The following ZMAT4 variants were observed in gnomAD, a reference collection of about 807,000 sequenced individuals.
ZMAT4 encodes the protein zinc finger matrin-type 4.
Under a neutral mutation model 28.7 loss-of-function variants are expected in ZMAT4, and 17 were observed. The ratio of observed to expected loss-of-function variants is 0.59; its 90% confidence interval spans 0.41 to 0.89. ZMAT4 has a LOEUF of 0.89. Among genes scored for constraint, ZMAT4 ranks in the 40% least tolerant of loss-of-function variants. ZMAT4 has a pLI of 0.00. For synonymous variants in ZMAT4, 117 were observed against 109.2 expected (o/e 1.07, Z -0.44); for missense variants, 240 against 283.8 (o/e 0.85, Z 1.11).
chr8:40,593,739 T>C (rs751949692), intron 5 of ZMAT4, among the ~76,000 whole-genome samples: 5 of 152,210 alleles, frequency 3.3e-5, no homozygotes, highest in East Asian at 1.9e-4. Flanking sequence ...CAATATCTCC[T>C]GTTAACATGT....
intron 3 of ZMAT4, among the ~76,000 whole-genome samples, chr8:40,750,202 G>GA (rs1257422964): frequency 4.2e-4 from 63 of 151,764 alleles, no homozygotes; most frequent in African/African-American, 1.3e-3. Flanking sequence ...AAGGCAAAAA[G>GA]AAAAAATATA....
intron 2 of ZMAT4, among the ~76,000 whole-genome samples, chr8:40,815,179 G>A (rs975546832): frequency 6.6e-6 from 1 of 152,206 alleles, no homozygotes; most frequent in Admixed American, 6.5e-5. Flanking sequence ...AGTGGCTGAT[G>A]CAGGAGAATC....
intron 1 of ZMAT4, among the ~76,000 whole-genome samples, chr8:40,882,782 AT>A (rs1369784405): frequency 6.6e-6 from 1 of 152,148 alleles, no homozygotes; most frequent in Non-Finnish European, 1.5e-5. Flanking sequence ...CTCCTGGACT[AT>A]TTGAGAGAAA....
At chr8:40,623,673 G>A (rs1325989936) in intron 5 of ZMAT4, among the ~76,000 whole-genome samples, 1 of 152,160 alleles carries the variant, frequency 6.6e-6, no homozygotes, top group Non-Finnish European at 1.5e-5. Context: ...AACAACCAGA[G>A]GGTGAGAGTT....
intron 5 of ZMAT4, among the ~76,000 whole-genome samples, chr8:40,603,730 G>A (rs1002419728): frequency 3.3e-5 from 5 of 152,104 alleles, no homozygotes; most frequent in Non-Finnish European, 5.9e-5. Context: ...CAGAGTTCAC[G>A]CCATTCTCCT....
intron 1 of ZMAT4, among the ~76,000 whole-genome samples, chr8:40,866,089 T>A (rs1817668514): frequency 6.6e-6 from 1 of 152,090 alleles, no homozygotes. Flanking sequence ...ATTCCGAAAA[T>A]ACACTATCAC....
chr8:40,772,316 T>C (rs908514387), intron 2 of ZMAT4, among the ~76,000 whole-genome samples: 1 of 152,168 alleles, frequency 6.6e-6, no homozygotes, highest in African/African-American at 2.4e-5. Context: ...CTCAAGGAAA[T>C]AGTCTAAAAT....
At chr8:40,830,480 C>T (rs973484171) in intron 1 of ZMAT4, among the ~76,000 whole-genome samples, 1 of 152,138 alleles carries the variant, frequency 6.6e-6, no homozygotes, top group Admixed American at 6.5e-5. Flanking sequence ...TGTCCTCTAC[C>T]TCTACCCTTA....
intron 1 of ZMAT4, among the ~76,000 whole-genome samples, chr8:40,883,307 G>T (rs1436943978): frequency 6.6e-6 from 1 of 152,142 alleles, no homozygotes; most frequent in Non-Finnish European, 1.5e-5. Flanking sequence ...ATGTTCCCTA[G>T]TCTGTTTTCC....
intron 1 of ZMAT4, among the ~76,000 whole-genome samples, chr8:40,833,215 C>T (rs1024892378): frequency 4.8e-5 from 7 of 145,592 alleles, no homozygotes; most frequent in Admixed American, 2.8e-4. Context: ...TGCTGGTTGC[C>T]GTGGCAGCAA....
chr8:40,667,881 A>T (rs1808495845), intron 5 of ZMAT4, among the ~76,000 whole-genome samples: 2 of 151,730 alleles, frequency 1.3e-5, no homozygotes, highest in African/African-American at 4.8e-5. Flanking sequence ...AAAGAAATTT[A>T]TGAAGTTGTT....
chr8:40,800,659 G>A (rs568948422), intron 2 of ZMAT4, among the ~76,000 whole-genome samples: 4 of 72,474 alleles, frequency 5.5e-5, no homozygotes, highest in African/African-American at 1.9e-4. Context: ...ATAACACATG[G>A]GTCAAAAAAA....
chr8:40,668,551 G>C (rs1024626630), intron 5 of ZMAT4, among the ~76,000 whole-genome samples: 4 of 151,244 alleles, frequency 2.6e-5, no homozygotes, highest in Admixed American at 2.6e-4. Context: ...AGAAAAAATT[G>C]CCCTATTCTA....
chr8:40,754,725 A>G (rs1025974971), intron 3 of ZMAT4, among the ~76,000 whole-genome samples: 1 of 152,216 alleles, frequency 6.6e-6, no homozygotes, highest in Admixed American at 6.5e-5. Context: ...CAGATGGCAT[A>G]AAACGACCAG....
intron 6 of ZMAT4, among the ~76,000 whole-genome samples, chr8:40,536,151 T>C (rs1224513515): frequency 1.3e-5 from 2 of 152,178 alleles, no homozygotes; most frequent in African/African-American, 2.4e-5. Flanking sequence ...AAATTGAACA[T>C]TTCCTAATTT....
chr8:40,686,373 G>A (rs1281441046), intron 4 of ZMAT4, among the ~76,000 whole-genome samples: 1 of 152,026 alleles, frequency 6.6e-6, no homozygotes, highest in Non-Finnish European at 1.5e-5. Flanking sequence ...GCTGAGGTAG[G>A]AGGAAATCTT....
intron 2 of ZMAT4, among the ~76,000 whole-genome samples, chr8:40,811,553 C>T (rs926985077): frequency 1.8e-4 from 27 of 152,234 alleles, no homozygotes; most frequent in African/African-American, 4.6e-4. Flanking sequence ...TGTCTCCACA[C>T]GGTCTCAGAG....
intron 3 of ZMAT4, among the ~76,000 whole-genome samples, chr8:40,740,285 ATCT>A (rs2150533946): frequency 6.6e-6 from 1 of 152,232 alleles, no homozygotes; most frequent in East Asian, 1.9e-4. Context: ...ATTTCTCCAA[ATCT>A]TCTCCAGCAT....
intron 2 of ZMAT4, among the ~76,000 whole-genome samples, chr8:40,819,062 G>A (rs911053510): frequency 2.0e-5 from 3 of 152,016 alleles, no homozygotes; most frequent in Non-Finnish European, 2.9e-5. Flanking sequence ...CTATTCCCCT[G>A]GATTAAATAG....
Sources: allele counts gnomAD v4.1 joint callset (sites outside exome capture counted in the v4.1 genomes callset), GRCh38; gene constraint gnomAD v4.1.1; transcripts MANE v1.5; gene names NCBI Gene and HGNC (gene_info 2026-07-23, HGNC 2026-07-21).